PPP1R12B: variants seen among roughly 807,000 people sequenced by gnomAD.
PPP1R12B encodes myosin phosphatase target subunit 2.
Under a neutral mutation model 126.1 loss-of-function variants are expected in PPP1R12B, and 76 were observed. That is an observed-to-expected ratio of 0.60 (90% CI 0.50 to 0.73). The LOEUF is 0.73. Ranked by LOEUF, PPP1R12B falls within the 30% of genes least tolerant of loss-of-function variation. The pLI is 0.00. For missense variants in PPP1R12B, 1,052 were observed against 1,205.1 expected, an observed-to-expected ratio of 0.87 and a Z score of 1.88; for synonymous variants, 356 against 434.7, an observed-to-expected ratio of 0.82 and a Z score of 2.25.
chr1:202,563,550 G>A (rs912065444), intron 20 of PPP1R12B, among the ~76,000 whole-genome samples: 1 of 150,708 alleles, frequency 6.6e-6, no homozygotes, highest in Non-Finnish European at 1.5e-5. Flanking sequence ...GAATCATTTG[G>A]TAGACTGTTA....
chr1:202,399,352 C>T (rs2148554449), intron 1 of PPP1R12B, among the ~76,000 whole-genome samples: 1 of 152,216 alleles, frequency 6.6e-6, no homozygotes, highest in East Asian at 1.9e-4. Context: ...TCCTATGTAG[C>T]TGGGACCACA....
At chr1:202,548,550 C>T (rs1486921620) in intron 18 of PPP1R12B, among the ~76,000 whole-genome samples, 1 of 151,962 alleles carries the variant, frequency 6.6e-6, no homozygotes, top group Admixed American at 6.6e-5. Context: ...GTCTCAAACT[C>T]CCAACCTCAA....
chr1:202,364,618 C>A (rs1002783469), intron 1 of PPP1R12B, among the ~76,000 whole-genome samples: 16 of 151,702 alleles, frequency 1.1e-4, no homozygotes, highest in African/African-American at 3.9e-4. Context: ...GCTCTGTCAC[C>A]CAGGCTGGAG....
intron 23 of PPP1R12B, among the ~76,000 whole-genome samples, chr1:202,577,876 G>A (rs1468386288): frequency 1.3e-5 from 2 of 152,122 alleles, no homozygotes; most frequent in South Asian, 2.1e-4. Context: ...ACCAAATTGT[G>A]GTAAGCTGGG....
chr1:202,580,120 A>G (rs1057317015), intron 23 of PPP1R12B, among the ~76,000 whole-genome samples: 7 of 152,046 alleles, frequency 4.6e-5, no homozygotes, highest in Non-Finnish European at 7.4e-5. Context: ...TCTCTCCCCA[A>G]TTTCTTTAGG....
chr1:202,469,913 G>A (rs1007999452), intron 13 of PPP1R12B, among the ~76,000 whole-genome samples: 2 of 152,118 alleles, frequency 1.3e-5, no homozygotes, highest in Admixed American at 1.3e-4. Context: ...TTGTGTATAC[G>A]TAAGTGCTTT....
chr1:202,427,806 G>A (rs2148653660), intron 5 of PPP1R12B, among the ~76,000 whole-genome samples: 1 of 151,936 alleles, frequency 6.6e-6, no homozygotes, highest in South Asian at 2.1e-4. Context: ...CGCCACGCCT[G>A]GCTAATTTTT....
rs547806352 is a variant in PPP1R12B at position 202,465,179 on chromosome 1, C to T, written c.1850+16008C>T. Reference sequence around the variant, plus strand: ...TTGAGGCTCAGCTAGGTTAAGGAATCTGTCCACAGTCACAGAATTTGTAAT... The same window carrying T: ...TTGAGGCTCAGCTAGGTTAAGGAATTTGTCCACAGTCACAGAATTTGTAAT... On this transcript the variant is annotated intron_variant, in intron 13 of 23. Transcript: ENST00000608999. Among the ~76,000 whole-genome samples the T allele has an allele frequency of 3.9e-5, 6 of 152,268 alleles. No homozygotes were observed. In the East Asian group the frequency reaches 9.7e-4, roughly 25 times the overall value.
intron 6 of PPP1R12B, 65 bp from the exon 7 acceptor site, chr1:202,430,666 A>G: frequency 6.3e-7 from 1 of 1,583,434 alleles, no homozygotes; most frequent in Non-Finnish European, 8.6e-7. Flanking sequence ...TTTGGTTCTC[A>G]ATACTGCTGA....
chr1:202,358,381 A>C (rs1657502071), intron 1 of PPP1R12B, among the ~76,000 whole-genome samples: 1 of 152,138 alleles, frequency 6.6e-6, no homozygotes, highest in Non-Finnish European at 1.5e-5. Context: ...GAGGCAATTC[A>C]ATTGAAAAAC....
At chr1:202,562,466 G>A (rs1174176325) in intron 19 of PPP1R12B, among the ~76,000 whole-genome samples, 1 of 152,152 alleles carries the variant, frequency 6.6e-6, no homozygotes, top group Non-Finnish European at 1.5e-5. Context: ...ACTTTTGAGG[G>A]AAGCTGTTCA....
chr1:202,378,977 C>T (rs892050830), intron 1 of PPP1R12B, among the ~76,000 whole-genome samples: 1 of 152,120 alleles, frequency 6.6e-6, no homozygotes, highest in African/African-American at 2.4e-5. Flanking sequence ...TACCCCAACC[C>T]ACTTTCTCTA....
At chr1:202,393,468 C>A (rs1395748681) in intron 1 of PPP1R12B, among the ~76,000 whole-genome samples, 5 of 145,184 alleles carry the variant, frequency 3.4e-5, no homozygotes. Context: ...AGAATTAGTT[C>A]TTTCAAGCAT....
At chr1:202,436,014 C>T (rs1670761535) in intron 9 of PPP1R12B, among the ~76,000 whole-genome samples, 1 of 152,136 alleles carries the variant, frequency 6.6e-6, no homozygotes, top group African/African-American at 2.4e-5. Context: ...AATCTCAGCA[C>T]TTTGGGAGGC....
At position 202,493,163 on chromosome 1, in the gene PPP1R12B, C is replaced by G. The variant is rs201030533; in HGVS notation, c.1991C>G (p.Ser664Trp). The G allele has an allele frequency of 6.2e-7, 1 of 1,612,142 alleles. No homozygotes were observed. Among genetic ancestry groups the G allele is most frequent in the South Asian group, 1.1e-5 (1 of 90,960 alleles). ...GAAGCAGAAAGGACATTCAGCCGGT[C>G]GAGGGCAGAGAGGCAAGCTCAGGAG... ...LQEAERTFSR[S>W]RAERQAQEQP... Residue 664 changes from serine (S) to tryptophan (W), a missense_variant, in exon 15 of 24, where the codon TCG becomes TGG. Ser to Trp is a radical substitution (Grantham distance 177). Transcript: ENST00000608999.
At chr1:202,430,863 A>G (rs1488734582) in intron 7 of PPP1R12B, 53 bp downstream of exon 7, 2 of 1,559,200 alleles carry the variant, frequency 1.3e-6, no homozygotes, top group Non-Finnish European at 1.7e-6. Flanking sequence ...TGTCAGTGAC[A>G]TACTTAACTT....
chr1:202,416,757 T>C (rs753105856), intron 1 of PPP1R12B, 30 bp from the exon 2 acceptor site: 34 of 1,606,296 alleles, frequency 2.1e-5, no homozygotes, highest in Non-Finnish European at 2.6e-5. Flanking sequence ...TGAATACTTG[T>C]TGAATGAATG....
Position 202,493,281 on chromosome 1 carries a change from G to C in PPP1R12B, c.2109G>C (p.Glu703Asp). The change falls in exon 15 of 24, where the codon GAG becomes GAC. Residue 703 changes from glutamate (E) to aspartate (D), a missense_variant. Transcript: ENST00000608999. ...CAGTTCCAGCAACAGAAGCTGGGGAGGGCCAGCAGCCCTGGGGCAGGAGTC... is the reference window on the plus strand; with the variant it reads ...CAGTTCCAGCAACAGAAGCTGGGGACGGCCAGCAGCCCTGGGGCAGGAGTC... ...PSAVPATEAG[E>D]GQQPWGRSLD... The C allele has an allele frequency of 6.2e-7, 1 of 1,612,660 alleles. No individual in the cohort carries two copies. Among genetic ancestry groups the C allele is most frequent in the Non-Finnish European group, 8.5e-7 (1 of 1,179,812 alleles).
At chr1:202,438,323 A>G (rs1671098723) in intron 10 of PPP1R12B, 2 of 1,361,528 alleles carry the variant, frequency 1.5e-6, no homozygotes, top group African/African-American at 2.9e-5. Flanking sequence ...AAATTTCAGT[A>G]TGGCGGAGGG....
Sources: allele counts gnomAD v4.1 joint callset (sites outside exome capture counted in the v4.1 genomes callset), GRCh38; gene constraint gnomAD v4.1.1; transcripts MANE v1.5; gene names NCBI Gene and HGNC (gene_info 2026-07-23, HGNC 2026-07-21).